Variants in DCAF8 observed in about 807,000 individuals in gnomAD.
DCAF8 encodes the protein DDB1 and CUL4 associated factor 8.
DCAF8 carries 20 observed loss-of-function variants against 68.0 expected under a neutral mutation model. That is an observed-to-expected ratio of 0.29 (90% CI 0.21 to 0.43). The LOEUF (loss-of-function observed/expected upper bound fraction) is 0.43, where lower values mean the gene tolerates loss of function less well. Among genes scored for constraint, DCAF8 ranks in the 20% least tolerant of loss-of-function variants. The probability of loss-of-function intolerance (pLI) is 1.00; values close to 1 mark genes in which losing one functional copy is unlikely to be tolerated. For missense variants in DCAF8, 460 were observed against 771.0 expected (o/e 0.60, Z 4.78); for synonymous variants, 230 against 276.9 (o/e 0.83, Z 1.68).
At chr1:160,252,001 C>T (rs529672527) in intron 2 of DCAF8, among the ~76,000 whole-genome samples, 1 of 152,170 alleles carries the variant, frequency 6.6e-6, no homozygotes. Context: ...AATCTCTATT[C>T]CTACTGTGCT....
At chr1:160,259,714 T>C (rs1358758186) in intron 2 of DCAF8, among the ~76,000 whole-genome samples, 3 of 152,108 alleles carry the variant, frequency 2.0e-5, no homozygotes, top group Non-Finnish European at 2.9e-5. Context: ...GTATAAAGAA[T>C]AGTTGCAGTA....
At position 160,224,428 on chromosome 1, in the gene DCAF8, G is replaced by A. The variant is rs1300953947; in HGVS notation, c.1309+14C>T. 1 of 1,602,388 alleles carries A rather than the reference G, an allele frequency of 6.2e-7. No homozygotes were observed. On this transcript the variant is annotated intron_variant, in intron 10 of 13. Coordinates refer to ENST00000368074, the MANE Select transcript of DCAF8 (RefSeq NM_015726.4). ...ACAGGCTTGGGCCAAAGAAACCTAG[G>A]AAGACAGTCTCACCTGTGGCATTAT...
chr1:160,250,482 A>C (rs1033559296), intron 2 of DCAF8, among the ~76,000 whole-genome samples: 1 of 151,782 alleles, frequency 6.6e-6, no homozygotes, highest in East Asian at 1.9e-4. Context: ...AAAAAAAAAA[A>C]AAAACAGGAT....
At chr1:160,236,432 A>G (rs532434802) in intron 6 of DCAF8, among the ~76,000 whole-genome samples, 21 of 149,626 alleles carry the variant, frequency 1.4e-4, no homozygotes, top group Admixed American at 4.0e-4. Flanking sequence ...GTGTGTGTGT[A>G]TGTGTGTGTG....
intron 6 of DCAF8, among the ~76,000 whole-genome samples, chr1:160,234,155 C>T (rs1655789162): frequency 6.6e-6 from 1 of 151,780 alleles, no homozygotes. Context: ...AAAAGAAAAT[C>T]CCCCTTATGC....
intron 3 of DCAF8, among the ~76,000 whole-genome samples, chr1:160,242,794 AC>A (rs1656171399): frequency 6.6e-6 from 1 of 152,324 alleles, no homozygotes; most frequent in East Asian, 1.9e-4. Context: ...ATAAAACTTT[AC>A]AAAAACAAGT....
intron 2 of DCAF8, among the ~76,000 whole-genome samples, chr1:160,259,230 T>C (rs2101777137): frequency 1.3e-5 from 2 of 152,284 alleles, no homozygotes; most frequent in Middle Eastern, 6.8e-3. Context: ...GGTCCAGCTG[T>C]GGAGCTGAAA....
chr1:160,261,974 C>A (rs1657113374), intron 1 of DCAF8: 1 of 181,532 alleles, frequency 5.5e-6, no homozygotes, highest in African/African-American at 2.3e-5. Flanking sequence ...TGCGCGGTGG[C>A]CCTGAGGTGA....
chr1:160,242,785 T>C (rs1052897876), intron 3 of DCAF8, among the ~76,000 whole-genome samples: 3 of 152,184 alleles, frequency 2.0e-5, no homozygotes, highest in African/African-American at 2.4e-5. Flanking sequence ...TGTATTCCAA[T>C]AAAACTTTAC....
chr1:160,262,196 A>C, intron 1 of DCAF8: 2 of 397,032 alleles, frequency 5.0e-6, no homozygotes, highest in Non-Finnish European at 8.9e-6. Flanking sequence ...AGAGCTTGGG[A>C]TACGGGTCAG....
At position 160,218,828 on chromosome 1, in the gene DCAF8, C is replaced by T. The variant is rs74125507; in HGVS notation, c.1560+21G>A. 4,176 of 1,613,760 alleles carry T rather than the reference C, an allele frequency of 2.6e-3. 95 individuals carry two copies. In the African/African-American group the frequency reaches 0.047, roughly 18 times the overall value. ...ATGTGGATAAGCAGAAAGAAAATAA[C>T]TTCTGCAGTCAGCCACTTACATCTT... On this transcript the variant is annotated intron_variant, in intron 12 of 13. Transcript: ENST00000368074.
intron 11 of DCAF8, among the ~76,000 whole-genome samples, chr1:160,221,740 A>G (rs1187423004): frequency 6.6e-6 from 1 of 150,792 alleles, no homozygotes; most frequent in East Asian, 1.9e-4. Context: ...AGTCTTCCAA[A>G]CTGTGTTTTT....
intron 2 of DCAF8, among the ~76,000 whole-genome samples, chr1:160,254,046 T>C (rs1198344418): frequency 6.6e-6 from 1 of 152,096 alleles, no homozygotes; most frequent in Non-Finnish European, 1.5e-5. Context: ...TTTCCTGGGA[T>C]GGGTGCGTGG....
chr1:160,237,278 A>C, intron 5 of DCAF8, 49 bp from the exon 6 acceptor site: 1 of 1,304,528 alleles, frequency 7.7e-7, no homozygotes, highest in Non-Finnish European at 1.1e-6. Context: ...TTAGAATTAG[A>C]GGTCATCTAG....
intron 2 of DCAF8, among the ~76,000 whole-genome samples, chr1:160,255,419 C>G (rs960718424): frequency 1.3e-5 from 2 of 152,236 alleles, no homozygotes; most frequent in East Asian, 3.9e-4. Context: ...TAGGTATGTA[C>G]CACCACACCT....
Position 160,231,312 on chromosome 1 carries a change from C to T in DCAF8, c.1055G>A (p.Arg352Gln), listed in dbSNP as rs773878796. 8.1e-6 allele frequency: 13 copies of T among 1,613,474 alleles called. No individual in the cohort carries two copies. The highest frequency in any genetic ancestry group is 1.3e-5 in the African/African-American group (1 of 74,906). ...ACAAACTCACCTTACAAACTGATCT[C>T]GTCCACCCACTGCAAACTGGTGGGT... is the stretch of plus-strand genomic sequence containing the variant. The part of the protein sequence containing the change: ...ANTHQFAVGG[R>Q]DQFVRIYDQR... Residue 352 changes from arginine (R) to glutamine (Q), a missense_variant, in exon 7 of 14, where the codon CGA becomes CAA. Transcript: ENST00000368074.
At chr1:160,259,618 C>T (rs993089121) in intron 2 of DCAF8, among the ~76,000 whole-genome samples, 17 of 152,154 alleles carry the variant, frequency 1.1e-4, no homozygotes, top group African/African-American at 2.9e-4. Flanking sequence ...TTTCCTCATA[C>T]AGTTCTTTGA....
intron 2 of DCAF8, among the ~76,000 whole-genome samples, chr1:160,246,488 G>A (rs1310305784): frequency 1.3e-5 from 2 of 152,188 alleles, no homozygotes; most frequent in Non-Finnish European, 2.9e-5. Flanking sequence ...ACCTATATGA[G>A]TGAAAACTTT....
At chr1:160,232,169 C>T (rs549680656) in intron 6 of DCAF8, among the ~76,000 whole-genome samples, 2 of 151,918 alleles carry the variant, frequency 1.3e-5, no homozygotes, top group African/African-American at 4.8e-5. Flanking sequence ...GAGATCATGC[C>T]ACGGTACTCC....
Sources: gnomAD v4.1 joint callset for allele counts (sites outside exome capture counted in the v4.1 genomes callset) on GRCh38, gnomAD v4.1.1 for gene constraint, MANE v1.5 for transcripts, NCBI Gene and HGNC (gene_info 2026-07-23, HGNC 2026-07-21) for gene names.